The following ZNF180 variants were observed in gnomAD, a reference collection of about 807,000 sequenced individuals.
ZNF180 encodes the protein zinc finger protein 180, also known as zinc finger protein 180 (HHZ168).
ZNF180 carries 11 observed loss-of-function variants against 11.8 expected under a neutral mutation model. The observed-to-expected ratio is 0.93, with a 90% CI of 0.59 to 1.55. The LOEUF (loss-of-function observed/expected upper bound fraction) is 1.55. ZNF180 is among the 40% of genes most tolerant of loss of function. The pLI, the probability that ZNF180 is intolerant of heterozygous loss-of-function variation, is 0.00. For missense variants in ZNF180, 773 were observed against 781.7 expected (o/e 0.99, Z 0.13); for synonymous variants, 287 against 257.7 (o/e 1.11, Z -1.09).
intron 2 of ZNF180, among the ~76,000 whole-genome samples, chr19:44,486,843 C>T (rs1664854513): frequency 6.6e-6 from 1 of 152,066 alleles, no homozygotes; most frequent in African/African-American, 2.4e-5. Flanking sequence ...GAGTTCGAGA[C>T]CAGCCTGGTC....
At chr19:44,494,779 T>C (rs1970536604) in intron 2 of ZNF180, among the ~76,000 whole-genome samples, 1 of 152,216 alleles carries the variant, frequency 6.6e-6, no homozygotes, top group South Asian at 2.1e-4. Context: ...CAATTGCACA[T>C]GTATACATGG....
At chr19:44,496,285 C>A (rs557413510) in intron 2 of ZNF180, among the ~76,000 whole-genome samples, 1 of 151,982 alleles carries the variant, frequency 6.6e-6, no homozygotes, top group Non-Finnish European at 1.5e-5. Flanking sequence ...TCCCAAAGTA[C>A]TGGGATTATA....
chr19:44,495,410 C>G lies in ZNF180; in HGVS notation c.51+1874G>C, dbSNP rs1359951870. ...GGACAGCCCACGTCAGGCCACCCCA[C>G]TGTGTCAGTACCCTCCACATGCCGC... On this transcript the variant is annotated intron_variant, in intron 2 of 4. Transcript: ENST00000592529. The surrounding 1 kb of genome is among the most constrained non-coding windows in gnomAD (Gnocchi z 4.5). Among the ~76,000 whole-genome samples the G allele has an allele frequency of 1.3e-5, 2 of 152,124 alleles. No individual in the cohort carries two copies. The highest frequency in any genetic ancestry group is 2.9e-5 in the Non-Finnish European group (2 of 68,012).
intron 3 of ZNF180, among the ~76,000 whole-genome samples, chr19:44,480,058 C>T (rs546312580): frequency 6.6e-6 from 1 of 152,314 alleles, no homozygotes; most frequent in Non-Finnish European, 1.5e-5. Flanking sequence ...GCTTTCTCAC[C>T]TATAAAGGGC....
chr19:44,490,103 A>AGGAAGGGAAAGAAAGAGGGAAGGGAAG (rs1423875600), intron 2 of ZNF180, among the ~76,000 whole-genome samples: 1 of 121,354 alleles, frequency 8.2e-6, no homozygotes, highest in African/African-American at 3.0e-5. Context: ...AAAGAGCGAA[A>AGGAAGGGAAAGAAAGAGGGAAGGGAAG]GGAAGGGAAA....
Position 44,497,313 on chromosome 19 carries a change from G to A in ZNF180, c.22C>T (p.Pro8Ser). 6.3e-7 allele frequency: 1 copy of A among 1,595,654 alleles called. No individual in the cohort carries two copies. Among genetic ancestry groups the A allele is most frequent in the Non-Finnish European group, 8.5e-7 (1 of 1,173,982 alleles). ...GCACAGACCTTCGGGGGCTCTGGGG[G>A]CTTCTCATCCTGCTCTTCCATGCTC... MEEQDEK[P>S]PEPPKVCAQD... Residue 8 changes from proline to serine, a missense_variant, in exon 2 of 5, where the codon CCC becomes TCC. Transcript: ENST00000592529.
In ZNF180 at chr19:44,479,300, C is replaced by T. The variant is rs761147536; in HGVS notation, c.236G>A (p.Arg79Lys). The stretch of plus-strand genomic sequence containing the variant: ...ATTCTTACCCCAAGAGACTAGGTCC[C>T]TGTGGTTCTCCAGGATCACATCTCT... ...LDRDVILENH[R>K]DLVSWDLATA... The change falls in exon 4 of 5, where the codon AGG becomes AAG. Residue 79 changes from arginine to lysine, a missense_variant. By Grantham distance (26) the Arg-to-Lys change is conservative. Coordinates refer to ENST00000592529, the MANE Select transcript of ZNF180 (RefSeq NM_001278509.3). 1 of 1,613,888 alleles carries T rather than the reference C, an allele frequency of 6.2e-7. No individual in the cohort carries two copies. The highest frequency in any genetic ancestry group is 1.1e-5 in the South Asian group (1 of 91,058).
intron 2 of ZNF180, chr19:44,496,803 A>G (rs909210665): frequency 5.3e-5 from 8 of 152,252 alleles, no homozygotes; most frequent in African/African-American, 1.7e-4. Context: ...CATATTTTCT[A>G]TATACCCAAA....
chr19:44,476,703 A>G lies in ZNF180; in HGVS notation c.1697T>C (p.Val566Ala), dbSNP rs892930043. 6.2e-7 allele frequency: 1 copy of G among 1,614,090 alleles called. No individual in the cohort carries two copies. Among genetic ancestry groups the G allele is most frequent in the African/African-American group, 1.3e-5 (1 of 74,946 alleles). Residue 566 changes from valine to alanine, a missense_variant, in exon 5 of 5, where the codon GTT becomes GCT. Physicochemically the swap from Val to Ala is moderately conservative, Grantham distance 64. Transcript: ENST00000592529. ...TCCAGTATGAGTTCTCTGATGTACA[A>G]CAAGAACATAACTCTGGCTGAAGGA... The part of the protein sequence containing the change: ...GKSFSQSYVL[V>A]VHQRTHTGEK...
At chr19:44,491,310 T>C (rs1294029586) in intron 2 of ZNF180, among the ~76,000 whole-genome samples, 5 of 152,220 alleles carry the variant, frequency 3.3e-5, no homozygotes, top group East Asian at 1.9e-4. Flanking sequence ...TGCTCCCAAC[T>C]TACTCTTACA....
At position 44,479,383 on chromosome 19, in the gene ZNF180, A is replaced by C; in HGVS notation, c.153T>G (p.Thr51=). 1 of 1,614,002 alleles carries C rather than the reference A, an allele frequency of 6.2e-7. No homozygotes were observed. The highest frequency in any genetic ancestry group is 8.5e-7 in the Non-Finnish European group (1 of 1,179,912). The change falls in exon 4 of 5, where the codon ACT becomes ACG. Residue 51 remains threonine (T), a synonymous_variant. Transcript: ENST00000592529. ...SQEGVNFKIV[T]VDFTREEQGT... ...CCTGTTCCTCCCGTGTGAAGTCCACAGTCACAATTTTGAAGTTCACTCCTT... is the reference window on the plus strand; with the variant it reads ...CCTGTTCCTCCCGTGTGAAGTCCACCGTCACAATTTTGAAGTTCACTCCTT...
rs1297717162 is a variant in ZNF180 at position 44,497,397 on chromosome 19, C to A, written c.-43-20G>T. ...GCTGCACTGAGAGAAGCCCCAAGTA[C>A]AGCATGAAGATGTAGGTCTGCCGGA... On this transcript the variant is annotated intron_variant, in intron 1 of 4. Transcript: ENST00000592529. 1.9e-6 allele frequency: 3 copies of A among 1,581,502 alleles called. No homozygotes were observed. The South Asian group carries it at 3.4e-5, about 18-fold the overall frequency.
At chr19:44,488,330 T>C (rs1275720205) in intron 2 of ZNF180, among the ~76,000 whole-genome samples, 1 of 150,836 alleles carries the variant, frequency 6.6e-6, no homozygotes, top group Non-Finnish European at 1.5e-5. Context: ...AGCTGGACTG[T>C]ACTGCTGCCA....
intron 2 of ZNF180, among the ~76,000 whole-genome samples, chr19:44,492,372 T>C (rs1436607723): frequency 1.5e-5 from 2 of 135,094 alleles, no homozygotes; most frequent in African/African-American, 3.0e-5. Context: ...CTCTGGAGCA[T>C]CTTTAAATTA....
At chr19:44,483,775 T>G (rs1318653095) in intron 3 of ZNF180, among the ~76,000 whole-genome samples, 1 of 152,216 alleles carries the variant, frequency 6.6e-6, no homozygotes. Context: ...AGGACTGTGC[T>G]TTATAGTTTC....
In ZNF180 at chr19:44,475,221, G is replaced by A. The variant is rs549616121; in HGVS notation, c.*1181C>T. On this transcript the variant is annotated 3_prime_UTR_variant, in exon 5 of 5. Transcript: ENST00000592529. The stretch of plus-strand genomic sequence containing the variant: ...AACTTTGCCTCATGAAAGCATTTTT[G>A]CAAGCATAATTTAGACGGTCAGCAC... The A allele has an allele frequency of 1.3e-5, 2 of 152,086 alleles. No homozygotes were observed. Among genetic ancestry groups the A allele is most frequent in the Non-Finnish European group, 2.9e-5 (2 of 68,024 alleles). 9.4% of individuals were successfully genotyped at this position (152,086 alleles called of 1,614,324 possible). A position where few individuals can be genotyped will look rare whatever the true frequency, so the allele number is the denominator to read the frequency against.
At chr19:44,499,064 T>G (rs1970664813) in intron 1 of ZNF180, among the ~76,000 whole-genome samples, 2 of 152,198 alleles carry the variant, frequency 1.3e-5, no homozygotes, top group African/African-American at 4.8e-5. Flanking sequence ...ACAGCCTCTG[T>G]GTAGGTTCTG....
At position 44,477,225 on chromosome 19, in the gene ZNF180, C is replaced by T; in HGVS notation, c.1175G>A (p.Ser392Asn). Residue 392 changes from serine (S) to asparagine (N), a missense_variant, in exon 5 of 5, where the codon AGC becomes AAC. By Grantham distance (46) the Ser-to-Asn change is conservative. Transcript: ENST00000592529. The part of the protein sequence containing the change: ...YRCNQCGKSF[S>N]QSYVLVVHQR... ...ATGCACAACAAGGACATAACTCTGG[C>T]TAAAGGATTTCCCACATTGATTACA... 1.2e-6 allele frequency: 2 copies of T among 1,614,138 alleles called. No homozygotes were observed. Among genetic ancestry groups the T allele is most frequent in the Non-Finnish European group, 1.7e-6 (2 of 1,180,026 alleles).
rs1970021896 is a variant in ZNF180 at position 44,479,448 on chromosome 19, T to C, written c.127-39A>G. ...CACATTCCTGCTCAGCTGGGCATCA[T>C]TTCCTTCCAAAGTTCATGGAGGAGG... is the stretch of plus-strand genomic sequence containing the variant. On this transcript the variant is annotated intron_variant, in intron 3 of 4. Coordinates refer to ENST00000592529, the MANE Select transcript of ZNF180 (RefSeq NM_001278509.3). The C allele has an allele frequency of 4.3e-6, 7 of 1,610,130 alleles. No individual in the cohort carries two copies. The East Asian group carries it at 1.6e-4, about 36-fold the overall frequency.
Sources: allele counts gnomAD v4.1 joint callset (sites outside exome capture counted in the v4.1 genomes callset), GRCh38; gene constraint gnomAD v4.1.1; non-coding constraint Gnocchi (gnomAD v3.1); transcripts MANE v1.5; gene names NCBI Gene and HGNC (gene_info 2026-07-23, HGNC 2026-07-21).